Variants in FRS2 observed in about 807,000 individuals in gnomAD.
FRS2 encodes the protein fibroblast growth factor receptor substrate 2.
FRS2 carries 8 observed loss-of-function variants against 43.9 expected under a neutral mutation model. The observed-to-expected ratio is 0.18, with a 90% confidence interval of 0.11 to 0.33. The LOEUF (loss-of-function observed/expected upper bound fraction) is 0.33, where lower values mean the gene tolerates loss of function less well. Ranked by LOEUF, FRS2 falls within the 10% of genes least tolerant of loss-of-function variation. The pLI is 1.00. For missense variants in FRS2, 534 were observed against 627.6 expected, an observed-to-expected ratio of 0.85 and a Z score of 1.59; for synonymous variants, 219 against 220.3, an observed-to-expected ratio of 0.99 and a Z score of 0.05.
intron 6 of FRS2, among the ~76,000 whole-genome samples, chr12:69,570,938 T>C (rs920144903): frequency 2.5e-4 from 38 of 152,216 alleles, no homozygotes; most frequent in African/African-American, 8.7e-4. Flanking sequence ...CTAGGGACTT[T>C]CCAAGGGGCC....
chr12:69,514,889 T>G (rs1338373148), intron 1 of FRS2, among the ~76,000 whole-genome samples: 2 of 152,058 alleles, frequency 1.3e-5, no homozygotes, highest in African/African-American at 4.8e-5. Context: ...AACCAGTGTT[T>G]TACCTTCTGA....
At position 69,572,115 on chromosome 12, in the gene FRS2, C is replaced by G; in HGVS notation, c.413-3C>G. On this transcript the variant is annotated splice_polypyrimidine_tract_variant and splice_region_variant and intron_variant, in intron 7 of 8. Transcript: ENST00000549921. ...TTCCTTAAACCAATAAACAAAAACT[C>G]AGCTCCAGGATTTGCTGCTCAGAAC... 1.9e-6 allele frequency: 3 copies of G among 1,612,128 alleles called. No homozygotes were observed. The highest frequency in any genetic ancestry group is 2.5e-6 in the Non-Finnish European group (3 of 1,178,776).
rs36140969 is a variant in FRS2 at position 69,529,622 on chromosome 12, AAAATAAATAAAT to A, written c.-260-1225_-260-1214del. Reference sequence around the variant, plus strand: ...GGTGACAGAGTGAGACCCTGTCTCAAAAATAAATAAATAAATAAATAAATAAATAGTACTGGA... The same window carrying A: ...GGTGACAGAGTGAGACCCTGTCTCAAAAATAAATAAATAAATAGTACTGGA... On this transcript the variant is annotated intron_variant, in intron 1 of 8. Coordinates refer to ENST00000549921, the MANE Select transcript of FRS2 (RefSeq NM_001278356.2). Among the ~76,000 whole-genome samples the A allele has an allele frequency of 7.3e-5, 11 of 149,888 alleles. No homozygotes were observed. In the East Asian group the frequency reaches 7.8e-4, roughly 11 times the overall value.
chr12:69,488,856 A>G (rs1014945091), intron 1 of FRS2, among the ~76,000 whole-genome samples: 1 of 152,196 alleles, frequency 6.6e-6, no homozygotes. Flanking sequence ...GCTCTTATTA[A>G]GCATTAAGTG....
chr12:69,475,316 C>T (rs1485359068), intron 1 of FRS2, among the ~76,000 whole-genome samples: 1 of 152,102 alleles, frequency 6.6e-6, no homozygotes, highest in African/African-American at 2.4e-5. Context: ...ATATCACAGG[C>T]ACTTGGGAAT....
chr12:69,479,390 C>CTTTTTTTTT (rs57688271), intron 1 of FRS2, among the ~76,000 whole-genome samples: 41 of 119,680 alleles, frequency 3.4e-4, no homozygotes, highest in East Asian at 4.9e-4. Context: ...TCTGTTGTTT[C>CTTTTTTTTT]TTTTTTTTTT....
At chr12:69,563,266 G>T (rs757203064) in intron 4 of FRS2, among the ~76,000 whole-genome samples, 1 of 152,116 alleles carries the variant, frequency 6.6e-6, no homozygotes, top group Non-Finnish European at 1.5e-5. Context: ...TGGTTTAGGA[G>T]AAAGAATCAG....
chr12:69,495,615 A>G (rs540814726), intron 1 of FRS2, among the ~76,000 whole-genome samples: 7 of 152,364 alleles, frequency 4.6e-5, no homozygotes, highest in Admixed American at 4.6e-4. Flanking sequence ...TCTAAATTTT[A>G]GGAGTATTAC....
Position 69,578,464 on chromosome 12 carries a change from A to G in FRS2, c.*3509A>G, listed in dbSNP as rs949406341. ...CTCTGCCCAAACCAGCACCCTATCT[A>G]TCTTTCCTGTTCTTTACATCCCTGT... On this transcript the variant is annotated 3_prime_UTR_variant, in exon 9 of 9. Transcript: ENST00000549921. 5.2e-5 allele frequency: 8 copies of G among 152,422 alleles called. No homozygotes were observed. Among genetic ancestry groups the G allele is most frequent in the African/African-American group, 4.8e-5 (2 of 41,446 alleles). 9.4% of individuals were successfully genotyped at this position (152,422 alleles called of 1,614,324 possible).
intron 4 of FRS2, among the ~76,000 whole-genome samples, chr12:69,565,478 T>C (rs1880211421): frequency 6.6e-6 from 1 of 152,244 alleles, no homozygotes; most frequent in East Asian, 1.9e-4. Context: ...TTTAATTTTT[T>C]GAAACTTTTT....
At chr12:69,506,769 T>G (rs1485733047) in intron 1 of FRS2, among the ~76,000 whole-genome samples, 1 of 152,236 alleles carries the variant, frequency 6.6e-6, no homozygotes, top group Non-Finnish European at 1.5e-5. Flanking sequence ...TTCTATGGTT[T>G]GAATGTTTGT....
Position 69,547,830 on chromosome 12 carries a change from C to CTTT in FRS2, c.-121-14326_-121-14324dup, listed in dbSNP as rs71094722. On this transcript the variant is annotated intron_variant, in intron 3 of 8. Transcript: ENST00000549921. ...TTTTAGAAAAATGTATCCATTAATACTTTTTTTTTTTTTTTTTTTTTTTTT... is the reference window on the plus strand; with the variant it reads ...TTTTAGAAAAATGTATCCATTAATACTTTTTTTTTTTTTTTTTTTTTTTTTTTT... 2.0e-3 allele frequency among the ~76,000 whole-genome samples: 202 copies of CTTT among 102,752 alleles called. 26 individuals carry two copies. The highest frequency in any genetic ancestry group is 0.017 in the East Asian group (48 of 2,902). The allele number at this position is 102,752 out of a possible 152,430, so 67.4% of individuals were successfully genotyped here. A position where few individuals can be genotyped will look rare whatever the true frequency, so the allele number is the denominator to read the frequency against.
At chr12:69,557,496 A>G (rs1879455648) in intron 3 of FRS2, among the ~76,000 whole-genome samples, 1 of 151,864 alleles carries the variant, frequency 6.6e-6, no homozygotes, top group Non-Finnish European at 1.5e-5. Context: ...CTCATATAGA[A>G]TGTTCATCCT....
intron 1 of FRS2, among the ~76,000 whole-genome samples, chr12:69,518,780 C>T (rs374275895): frequency 6.6e-6 from 1 of 151,556 alleles, no homozygotes; most frequent in Non-Finnish European, 1.5e-5. Context: ...TTTGGGAGGC[C>T]GAGGCAGGTG....
chr12:69,557,619 T>TGTGCGCGCGCGCGC (rs1555192498), intron 3 of FRS2, among the ~76,000 whole-genome samples: 6 of 118,964 alleles, frequency 5.0e-5, no homozygotes, highest in Non-Finnish European at 3.8e-5. Flanking sequence ...TGTGTGTGTG[T>TGTGCGCGCGCGCGC]GCGCGCGCGC....
At chr12:69,483,319 A>G (rs1163464552) in intron 1 of FRS2, among the ~76,000 whole-genome samples, 1 of 152,192 alleles carries the variant, frequency 6.6e-6, no homozygotes, top group African/African-American at 2.4e-5. Flanking sequence ...CATCACCATG[A>G]AAACACTCCT....
At chr12:69,488,258 T>TC (rs1872135855) in intron 1 of FRS2, among the ~76,000 whole-genome samples, 1 of 152,214 alleles carries the variant, frequency 6.6e-6, no homozygotes, top group Admixed American at 6.5e-5. Context: ...AGTCATTTGA[T>TC]GCGGCAAGTG....
chr12:69,485,082 AACACACACACACACACACACACACAC>A (rs71094716), intron 1 of FRS2, among the ~76,000 whole-genome samples: 3 of 85,302 alleles, frequency 3.5e-5, no homozygotes, highest in African/African-American at 1.7e-4. Flanking sequence ...CTCATCTTAA[AACACACACACACACACACACACACAC>A]ACACACACAC....
chr12:69,497,476 G>C (rs936099079), intron 1 of FRS2, among the ~76,000 whole-genome samples: 2 of 152,162 alleles, frequency 1.3e-5, no homozygotes, highest in African/African-American at 4.8e-5. Context: ...GGGTAAGATT[G>C]CTCCCTTCAA....
Sources: gnomAD v4.1 joint callset for allele counts (sites outside exome capture counted in the v4.1 genomes callset) on GRCh38, gnomAD v4.1.1 for gene constraint, MANE v1.5 for transcripts, NCBI Gene and HGNC (gene_info 2026-07-23, HGNC 2026-07-21) for gene names.